Variants in SLC25A30 observed in about 807,000 individuals in gnomAD.
The protein encoded by SLC25A30 is solute carrier family 25 member 30.
Under a neutral mutation model 42.7 loss-of-function variants are expected in SLC25A30, and 29 were observed. That is an observed-to-expected ratio of 0.68 (90% CI 0.51 to 0.93). SLC25A30 has a LOEUF of 0.93. Ranked by LOEUF, SLC25A30 falls within the 40% of genes least tolerant of loss-of-function variation. SLC25A30 has a pLI of 0.00. For missense variants in SLC25A30, 300 were observed against 359.7 expected (o/e 0.83, Z 1.34); for synonymous variants, 124 against 131.0 (o/e 0.95, Z 0.37).
chr13:45,393,723 A>C lies in SLC25A30; in HGVS notation c.*2251T>G. The C allele has an allele frequency of 1.0e-6, 1 of 985,328 alleles. No homozygotes were observed. Among genetic ancestry groups the C allele is most frequent in the Non-Finnish European group, 1.2e-6 (1 of 829,852 alleles). 61.0% of individuals were successfully genotyped at this position (985,328 alleles called of 1,614,324 possible). On this transcript the variant is annotated 3_prime_UTR_variant, in exon 10 of 10. Transcript: ENST00000519676. The stretch of plus-strand genomic sequence containing the variant: ...CTTCAACAATTGCATTAACTCTTTC[A>C]AAAAAACAGAAAAAGCAGGTTAAGA...
At chr13:45,421,379 C>CAAAAAAA, upstream of SLC25A30, among the ~76,000 whole-genome samples, 1 of 83,354 alleles carries the variant, frequency 1.2e-5, no homozygotes, top group Non-Finnish European at 2.2e-5. Context: ...ACTCCATCTC[C>CAAAAAAA]AAAAAAAAAA....
Position 45,395,943 on chromosome 13 carries a change from T to G in SLC25A30, c.*31A>C. 1 of 1,614,182 alleles carries G rather than the reference T, an allele frequency of 6.2e-7. No homozygotes were observed. The highest frequency in any genetic ancestry group is 8.5e-7 in the Non-Finnish European group (1 of 1,180,024). On this transcript the variant is annotated 3_prime_UTR_variant, in exon 10 of 10. Transcript: ENST00000519676. ...TTTGCTGTTTCAGAAGTTACCATTT[T>G]CAGAAAGATGTCTCATGCAGCCTTG... is the stretch of plus-strand genomic sequence containing the variant.
intron 9 of SLC25A30, chr13:45,396,442 G>C: frequency 1.4e-6 from 1 of 713,918 alleles, no homozygotes; most frequent in Non-Finnish European, 1.8e-6. Flanking sequence ...GACAGCAAAA[G>C]CCAGCATTCC....
rs1399134021 is a variant in SLC25A30 at position 45,411,344 on chromosome 13, C to A, written c.64+18G>T. On this transcript the variant is annotated intron_variant, in intron 2 of 9. Transcript: ENST00000519676. ...CACATACAGCAGGCTACGTGATCCACCACCCTCAGGTCCTTACCGCACTCA... is the reference window on the plus strand; with the variant it reads ...CACATACAGCAGGCTACGTGATCCAACACCCTCAGGTCCTTACCGCACTCA... 2 of 1,594,406 alleles carry A rather than the reference C, an allele frequency of 1.3e-6. No homozygotes were observed. The highest frequency in any genetic ancestry group is 1.7e-6 in the Non-Finnish European group (2 of 1,161,964).
Position 45,395,116 on chromosome 13 carries a change from C to G in SLC25A30, c.*858G>C. 1.0e-6 allele frequency: 1 copy of G among 985,460 alleles called. No homozygotes were observed. Among genetic ancestry groups the G allele is most frequent in the Non-Finnish European group, 1.2e-6 (1 of 829,942 alleles). 61.0% of individuals were successfully genotyped at this position (985,460 alleles called of 1,614,324 possible). A position where few individuals can be genotyped will look rare whatever the true frequency, so the allele number is the denominator to read the frequency against. On this transcript the variant is annotated 3_prime_UTR_variant, in exon 10 of 10. Transcript: ENST00000519676. Reference sequence around the variant, plus strand: ...CACATTTACCTTTCCAGTCAAGTAGCAGCAGCTACTATTTGTTCTTCATTT... The same window carrying G: ...CACATTTACCTTTCCAGTCAAGTAGGAGCAGCTACTATTTGTTCTTCATTT...
chr13:45,403,738 C>G (rs1170284114), intron 5 of SLC25A30, among the ~76,000 whole-genome samples: 1 of 151,908 alleles, frequency 6.6e-6, no homozygotes, highest in African/African-American at 2.4e-5. Flanking sequence ...GAGTTCAAGA[C>G]CAGCCTGGCC....
intron 4 of SLC25A30, 90 bp from the exon 5 acceptor site, chr13:45,404,502 C>T (rs1424608492): frequency 1.1e-6 from 1 of 878,788 alleles, no homozygotes. Flanking sequence ...TTACACATTA[C>T]TTGTTCACCT....
chr13:45,405,058 G>A (rs1031509050), intron 4 of SLC25A30, among the ~76,000 whole-genome samples: 8 of 152,092 alleles, frequency 5.3e-5, no homozygotes, highest in Non-Finnish European at 8.8e-5. Flanking sequence ...CAGTAGCTGG[G>A]ACTATAGGCG....
intron 1 of SLC25A30, among the ~76,000 whole-genome samples, chr13:45,417,998 C>T (rs1266316716): frequency 6.6e-6 from 1 of 152,220 alleles, no homozygotes; most frequent in Admixed American, 6.5e-5. Flanking sequence ...GGGCTTCGCA[C>T]TCGGATCTGA....
intron 6 of SLC25A30, among the ~76,000 whole-genome samples, chr13:45,401,503 T>C (rs1011768150): frequency 6.6e-6 from 1 of 152,026 alleles, no homozygotes; most frequent in Non-Finnish European, 1.5e-5. Context: ...CACTGGATGA[T>C]CTTTAGGGGC....
intron 1 of SLC25A30, among the ~76,000 whole-genome samples, chr13:45,416,865 T>C (rs1360590316): frequency 6.6e-6 from 1 of 152,220 alleles, no homozygotes; most frequent in East Asian, 1.9e-4. Flanking sequence ...ACTTAGGATA[T>C]ATGCTAAGTT....
intron 1 of SLC25A30, chr13:45,411,732 C>G: frequency 2.5e-6 from 1 of 392,446 alleles, no homozygotes; most frequent in Non-Finnish European, 4.9e-6. Context: ...TACTTTGATA[C>G]CTTGGTATGC....
At chr13:45,398,842 C>A (rs931888026) in intron 8 of SLC25A30, 98 bp downstream of exon 8, 13 of 1,345,054 alleles carry the variant, frequency 9.7e-6, no homozygotes, top group Admixed American at 8.4e-5. Flanking sequence ...TTTAAAGCAT[C>A]ATTCATCTTA....
At chr13:45,433,164 A>C in the SLC25A30 span, among the ~76,000 whole-genome samples, 2 of 152,192 alleles carry the variant, frequency 1.3e-5, no homozygotes, top group Admixed American at 6.6e-5. Context: ...CTGCCAAAGC[A>C]AACTATCAGA....
the SLC25A30 span, among the ~76,000 whole-genome samples, chr13:45,425,181 T>C: frequency 2.0e-5 from 2 of 98,018 alleles, no homozygotes; most frequent in African/African-American, 8.8e-5. Flanking sequence ...TATATAAATA[T>C]ATATACATAT....
the SLC25A30 span, among the ~76,000 whole-genome samples, chr13:45,426,234 G>A: frequency 7.2e-5 from 11 of 151,754 alleles, no homozygotes; most frequent in Admixed American, 2.6e-4. Flanking sequence ...CTACAGGCGT[G>A]CGCCACCACG....
intron 8 of SLC25A30, chr13:45,398,366 T>C (rs554510072): frequency 6.6e-6 from 1 of 152,214 alleles, no homozygotes; most frequent in East Asian, 1.9e-4. Context: ...ATTTGGGTAA[T>C]GGGTACATTA....
At chr13:45,397,372 C>T in intron 8 of SLC25A30, 34 bp from the exon 9 acceptor site, 2 of 1,478,602 alleles carry the variant, frequency 1.4e-6, no homozygotes, top group Non-Finnish European at 1.9e-6. Context: ...TAACTTCCAA[C>T]TTTCTAATTA....
In SLC25A30 at chr13:45,411,412, T is replaced by C. The variant is rs1883017072; in HGVS notation, c.14A>G (p.Asn5Ser). 6.2e-7 allele frequency: 1 copy of C among 1,614,144 alleles called. No individual in the cohort carries two copies. MSAL[N>S]WKPFVYGGLA... ...CCCCCCGTACACAAACGGCTTCCAG[T>C]TGAGGGCTGACATTCTCACACTGTC... Residue 5 changes from asparagine to serine, a missense_variant, in exon 2 of 10, where the codon AAC (asparagine) becomes AGC (serine). Transcript: ENST00000519676.
Sources: allele counts gnomAD v4.1 joint callset (sites outside exome capture counted in the v4.1 genomes callset), GRCh38; gene constraint gnomAD v4.1.1; transcripts MANE v1.5; gene names NCBI Gene and HGNC (gene_info 2026-07-23, HGNC 2026-07-21).